The following MMP20 variants were observed in gnomAD, a reference collection of about 807,000 sequenced individuals.
MMP20 encodes the protein matrix metalloproteinase-20.
In MMP20, 50 loss-of-function variants were observed where a neutral mutation model predicts 51.8. The observed-to-expected ratio is 0.97, with a 90% CI of 0.77 to 1.22. The LOEUF (loss-of-function observed/expected upper bound fraction) is 1.22. MMP20 is among the 50% of genes most tolerant of loss of function. The pLI, the probability that MMP20 is intolerant of heterozygous loss-of-function variation, is 0.00. For missense variants in MMP20, 663 were observed against 601.4 expected (o/e 1.10, Z -1.07); for synonymous variants, 244 against 216.2 (o/e 1.13, Z -1.13).
At position 102,604,020 on chromosome 11, in the gene MMP20, GTTT is replaced by G. The variant is rs55952766; in HGVS notation, c.953+2512_953+2514del. Among the ~76,000 whole-genome samples, 295 of 146,418 alleles carry G rather than the reference GTTT, an allele frequency of 2.0e-3. 2 individuals carry two copies. Among genetic ancestry groups the G allele is most frequent in the African/African-American group, 6.5e-3 (257 of 39,484 alleles). ...TGCTCACAGTTTGATAAACAGAGGTGTTTTTTTTTTTTGCTTTTTTTTAAGAAA... is the reference window on the plus strand; with the variant it reads ...TGCTCACAGTTTGATAAACAGAGGTGTTTTTTTTTGCTTTTTTTTAAGAAA... On this transcript the variant is annotated intron_variant, in intron 6 of 9. Transcript: ENST00000260228.
chr11:102,579,138 C>T lies in MMP20; in HGVS notation c.1252G>A (p.Asp418Asn), dbSNP rs374317024. The change falls in exon 9 of 10, where the codon GAC (aspartate) becomes AAC (asparagine). Residue 418 changes from aspartate (D) to asparagine (N), a missense_variant. Transcript: ENST00000260228. ...TTTTCCATTTTCCTTTTCCTTTCGT[C>T]GTAGCTAGAAAAAGTATTATTTCAT... is the stretch of plus-strand genomic sequence containing the variant. ...FFVGDEYYSYDERKRKMEKDY... is the reference protein window; with the variant it reads ...FFVGDEYYSYNERKRKMEKDY... 2.2e-5 allele frequency: 35 copies of T among 1,606,230 alleles called. No individual in the cohort carries two copies. Among genetic ancestry groups the T allele is most frequent in the Admixed American group, 8.3e-5 (5 of 59,994 alleles).
chr11:102,595,267 A>G lies in MMP20; in HGVS notation c.954-510T>C, dbSNP rs561234627. Among the ~76,000 whole-genome samples the G allele has an allele frequency of 7.2e-5, 11 of 152,212 alleles. No individual in the cohort carries two copies. The South Asian group carries it at 2.3e-3, about 32-fold the overall frequency. ...TTTAAGGAAAAACACAACTTTTTGG[A>G]CCTTGGTAAACAGTTTCTACTCCCT... On this transcript the variant is annotated intron_variant, in intron 6 of 9. Coordinates refer to ENST00000260228, the MANE Select transcript of MMP20 (RefSeq NM_004771.4).
chr11:102,619,584 T>C (rs1485974283), intron 1 of MMP20, among the ~76,000 whole-genome samples: 1 of 151,698 alleles, frequency 6.6e-6, no homozygotes, highest in Non-Finnish European at 1.5e-5. Flanking sequence ...ACAAAATAAA[T>C]GCCAAAAAAA....
chr11:102,620,901 G>A (rs1346823552), intron 1 of MMP20, among the ~76,000 whole-genome samples: 1 of 152,182 alleles, frequency 6.6e-6, no homozygotes, highest in Non-Finnish European at 1.5e-5. Context: ...TCAGGGAGGG[G>A]GTGAGGGCAT....
At position 102,579,598 on chromosome 11, in the gene MMP20, GC is replaced by G. The variant is rs17174294; in HGVS notation, c.1248-457del. 3.9e-5 allele frequency among the ~76,000 whole-genome samples: 6 copies of G among 152,294 alleles called. No homozygotes were observed. The East Asian group carries it at 1.2e-3, about 29-fold the overall frequency. ...CAAAGTGCTGGGATTACAGGAATAAGCCACTGGGCCTGGCCCTTGTTGTTTA... is the reference window on the plus strand; with the variant it reads ...CAAAGTGCTGGGATTACAGGAATAAGCACTGGGCCTGGCCCTTGTTGTTTA... On this transcript the variant is annotated intron_variant, in intron 8 of 9. Transcript: ENST00000260228.
At position 102,625,304 on chromosome 11, in the gene MMP20, C is replaced by G; in HGVS notation, c.16G>C (p.Ala6Pro). The change falls in exon 1 of 10, where the codon GCA becomes CCA. Residue 6 changes from alanine (A) to proline (P), a missense_variant. Transcript: ENST00000260228. Reference sequence around the variant, plus strand: ...ATGAGGAAGACAGCAAGGCCAGATGCAGGGAGCACCTTCATCCCCTCACAG... The same window carrying G: ...ATGAGGAAGACAGCAAGGCCAGATGGAGGGAGCACCTTCATCCCCTCACAG... Reference protein sequence around the residue: MKVLPASGLAVFLIMA... With the variant: MKVLPPSGLAVFLIMA... 1 of 1,613,420 alleles carries G rather than the reference C, an allele frequency of 6.2e-7. No homozygotes were observed. The highest frequency in any genetic ancestry group is 1.7e-4 in the Middle Eastern group (1 of 5,980).
chr11:102,601,177 G>GGCT (rs1226530325), intron 6 of MMP20, among the ~76,000 whole-genome samples: 1 of 22,982 alleles, frequency 4.4e-5, no homozygotes, highest in Non-Finnish European at 9.5e-5. Flanking sequence ...CTGTCGCCCA[G>GGCT]GCTGGAGTGC....
intron 1 of MMP20, among the ~76,000 whole-genome samples, chr11:102,623,029 GT>G (rs1454977919): frequency 1.3e-5 from 2 of 152,310 alleles, no homozygotes; most frequent in African/African-American, 2.4e-5. Context: ...GGTGCTGTGT[GT>G]CAGGTGAGGA....
chr11:102,620,813 T>C (rs1278670586), intron 1 of MMP20, among the ~76,000 whole-genome samples: 1 of 152,186 alleles, frequency 6.6e-6, no homozygotes, highest in Non-Finnish European at 1.5e-5. Flanking sequence ...CTACACTAAA[T>C]GTCATTCTCA....
chr11:102,583,941 C>T (rs1303196907), intron 8 of MMP20, among the ~76,000 whole-genome samples: 4 of 152,164 alleles, frequency 2.6e-5, no homozygotes, highest in African/African-American at 9.7e-5. Context: ...TCATCCATGT[C>T]GTACCATGTA....
At position 102,611,863 on chromosome 11, in the gene MMP20, C is replaced by T. The variant is rs17099014; in HGVS notation, c.415G>A (p.Asp139Asn). The stretch of plus-strand genomic sequence containing the variant: ...TGCAAGGCCATCTCCACTGCTTTGT[C>T]CACCTCGACAGAACTCATGGAAGGT... The part of the protein sequence containing the change: ...YTPSMSSVEV[D>N]KAVEMALQAW... Residue 139 changes from aspartate (D) to asparagine (N), a missense_variant, in exon 3 of 10, where the codon GAC becomes AAC. Physicochemically the swap from Asp to Asn is conservative, Grantham distance 23. Coordinates refer to ENST00000260228, the MANE Select transcript of MMP20 (RefSeq NM_004771.4). 1.3e-3 allele frequency: 2,039 copies of T among 1,614,200 alleles called. 29 individuals are homozygous for T. In the African/African-American group the frequency reaches 0.024, roughly 19 times the overall value.
intron 2 of MMP20, among the ~76,000 whole-genome samples, chr11:102,616,275 A>G (rs1020199976): frequency 3.9e-5 from 6 of 152,138 alleles, no homozygotes; most frequent in African/African-American, 1.4e-4. Flanking sequence ...TTCACTGCTT[A>G]GAGCTATGCT....
At chr11:102,601,956 T>C (rs1458373998) in intron 6 of MMP20, among the ~76,000 whole-genome samples, 21 of 149,146 alleles carry the variant, frequency 1.4e-4, no homozygotes, top group African/African-American at 2.2e-4. Flanking sequence ...TCTTTCTTTT[T>C]TTTTTTTTTT....
intron 8 of MMP20, among the ~76,000 whole-genome samples, chr11:102,590,211 T>C (rs1036750011): frequency 1.3e-5 from 2 of 152,046 alleles, no homozygotes; most frequent in Admixed American, 6.6e-5. Flanking sequence ...CCATAGGTAG[T>C]GGAAATAATG....
At position 102,609,947 on chromosome 11, in the gene MMP20, TA is replaced by T. The variant is rs1437120911; in HGVS notation, c.606del (p.Asp202GlufsTer42). 1 of 1,614,188 alleles carries T rather than the reference TA, an allele frequency of 6.2e-7. No individual in the cohort carries two copies. Among genetic ancestry groups the T allele is most frequent in the Non-Finnish European group, 8.5e-7 (1 of 1,180,036 alleles). ...AFAPGEGLGGDTHFDNAEKWT... is the reference protein window; with the variant it reads ...AFAPGEGLGGXTHFDNAEKWT... ...CACTTCTCAGCATTGTCGAAATGTG[TA>T]TCTCCTCCCAGGCCTTCTCCAGGAG... On this transcript the variant is annotated frameshift_variant, in exon 4 of 10. Transcript: ENST00000260228. LOFTEE classifies it high-confidence loss of function.
intron 1 of MMP20, among the ~76,000 whole-genome samples, chr11:102,624,130 A>T (rs1442990436): frequency 6.6e-6 from 1 of 152,216 alleles, no homozygotes; most frequent in Non-Finnish European, 1.5e-5. Flanking sequence ...ATCGGTAGGG[A>T]CATGCCATTG....
chr11:102,624,028 T>A (rs994483978), intron 1 of MMP20, among the ~76,000 whole-genome samples: 1 of 152,264 alleles, frequency 6.6e-6, no homozygotes, highest in African/African-American at 2.4e-5. Flanking sequence ...GGGCATCAGC[T>A]GTGCTGTTCA....
chr11:102,606,403 C>CA, intron 6 of MMP20, 132 bp downstream of exon 6: 1 of 1,226,398 alleles, frequency 8.2e-7, no homozygotes, highest in South Asian at 1.3e-5. Context: ...CCCTGCCTAC[C>CA]ACCCTTCTGC....
chr11:102,579,293 G>T, intron 8 of MMP20, 151 bp from the exon 9 acceptor site: 1 of 618,406 alleles, frequency 1.6e-6, no homozygotes, highest in Non-Finnish European at 2.8e-6. Flanking sequence ...CATTTATGTT[G>T]TTATTTATTT....
Sources: gnomAD v4.1 joint callset for allele counts (sites outside exome capture counted in the v4.1 genomes callset) on GRCh38, gnomAD v4.1.1 for gene constraint, MANE v1.5 for transcripts, NCBI Gene and HGNC (gene_info 2026-07-23, HGNC 2026-07-21) for gene names.